The following ARSJ variants were observed in gnomAD, a reference collection of about 807,000 sequenced individuals.
ARSJ encodes arylsulfatase family member J, also known as arylsulfatase J.
ARSJ carries 26 observed loss-of-function variants against 35.9 expected under a neutral mutation model. The observed-to-expected ratio is 0.72, with a 90% confidence interval of 0.53 to 1.00. The LOEUF is 1.00. Among genes scored for constraint, ARSJ ranks in the 50% least tolerant of loss-of-function variants. The pLI, the probability that ARSJ is intolerant of heterozygous loss-of-function variation, is 0.00. For synonymous variants in ARSJ, 294 were observed against 267.6 expected, an observed-to-expected ratio of 1.10 and a Z score of -0.96; for missense variants, 667 against 723.6, an observed-to-expected ratio of 0.92 and a Z score of 0.90.
At chr4:113,921,360 T>C (rs1415002288) in intron 1 of ARSJ, among the ~76,000 whole-genome samples, 1 of 152,138 alleles carries the variant, frequency 6.6e-6, no homozygotes, top group Admixed American at 6.6e-5. Context: ...AGTACAAGAC[T>C]TAGTTAAGAT....
chr4:113,924,635 T>C (rs569076320), intron 1 of ARSJ, among the ~76,000 whole-genome samples: 37 of 152,246 alleles, frequency 2.4e-4, no homozygotes, highest in African/African-American at 7.5e-4. Context: ...AGAAGTGCAC[T>C]AATCCCCACT....
chr4:113,925,706 A>G (rs1724013511), intron 1 of ARSJ, among the ~76,000 whole-genome samples: 1 of 152,150 alleles, frequency 6.6e-6, no homozygotes, highest in Non-Finnish European at 1.5e-5. Flanking sequence ...GAAGCATCCC[A>G]TGAGTCCACA....
intron 1 of ARSJ, among the ~76,000 whole-genome samples, chr4:113,928,210 T>A (rs1027727457): frequency 1.3e-5 from 2 of 152,166 alleles, no homozygotes; most frequent in African/African-American, 2.4e-5. Flanking sequence ...CTCAGAAATG[T>A]CTGATTATTT....
chr4:113,976,409 C>G (rs939712681), intron 1 of ARSJ, among the ~76,000 whole-genome samples: 1 of 152,070 alleles, frequency 6.6e-6, no homozygotes, highest in African/African-American at 2.4e-5. Flanking sequence ...ATTATTAACT[C>G]ATTTATGCCT....
At chr4:113,936,505 T>C (rs887917247) in intron 1 of ARSJ, among the ~76,000 whole-genome samples, 3 of 151,912 alleles carry the variant, frequency 2.0e-5, no homozygotes, top group African/African-American at 7.2e-5. Context: ...GACTAGAGAA[T>C]GTTGCTATGT....
At chr4:113,911,966 G>C (rs1001470695) in intron 1 of ARSJ, among the ~76,000 whole-genome samples, 1 of 152,116 alleles carries the variant, frequency 6.6e-6, no homozygotes, top group Non-Finnish European at 1.5e-5. Flanking sequence ...AAAGAAAAGA[G>C]TGGTGTGCTA....
At position 113,939,859 on chromosome 4, in the gene ARSJ, C is replaced by A. The variant is rs578016017; in HGVS notation, c.399-36184G>T. On this transcript the variant is annotated intron_variant, in intron 1 of 1. Transcript: ENST00000315366. Reference sequence around the variant, plus strand: ...TGAGTAGGTTGCGAAAATTTTCTCCCATTTTGTAGGTTGCCTGTTCACTCT... The same window carrying A: ...TGAGTAGGTTGCGAAAATTTTCTCCAATTTTGTAGGTTGCCTGTTCACTCT... Among the ~76,000 whole-genome samples, 511 of 152,088 alleles carry A rather than the reference C, an allele frequency of 3.4e-3. 4 individuals carry two copies. The highest frequency in any genetic ancestry group is 0.012 in the African/African-American group (494 of 41,490).
intron 1 of ARSJ, among the ~76,000 whole-genome samples, chr4:113,957,226 C>G (rs1044142024): frequency 6.6e-6 from 1 of 152,024 alleles, no homozygotes; most frequent in Non-Finnish European, 1.5e-5. Flanking sequence ...TGTCCGATGT[C>G]TTAGGATGGT....
chr4:113,939,155 T>C (rs1200688124), intron 1 of ARSJ, among the ~76,000 whole-genome samples: 1 of 148,428 alleles, frequency 6.7e-6, no homozygotes, highest in Non-Finnish European at 1.5e-5. Context: ...AGTGAGAATA[T>C]GCGGTGTTTG....
intron 1 of ARSJ, among the ~76,000 whole-genome samples, chr4:113,929,189 A>G (rs1022621802): frequency 6.6e-6 from 1 of 152,076 alleles, no homozygotes; most frequent in Admixed American, 6.6e-5. Flanking sequence ...AAAGAACTCA[A>G]AAAGTTCTTT....
chr4:113,964,245 T>A (rs1295855952), intron 1 of ARSJ, among the ~76,000 whole-genome samples: 1 of 152,020 alleles, frequency 6.6e-6, no homozygotes, highest in Non-Finnish European at 1.5e-5. Flanking sequence ...CCAGATAAAA[T>A]TCATAGCTTC....
At chr4:113,938,862 A>G (rs533508760) in intron 1 of ARSJ, among the ~76,000 whole-genome samples, 2 of 152,106 alleles carry the variant, frequency 1.3e-5, no homozygotes, top group East Asian at 3.9e-4. Flanking sequence ...TCAAAACCCC[A>G]CAATGAGATA....
chr4:113,924,553 T>C (rs4834364), intron 1 of ARSJ, among the ~76,000 whole-genome samples: 110,353 of 151,870 alleles, frequency 0.73, 40,601 homozygotes, highest in East Asian at 0.81. Context: ...TGAGATGATA[T>C]ATAATTTTCA....
At chr4:113,948,919 G>A (rs1055683871) in intron 1 of ARSJ, among the ~76,000 whole-genome samples, 1 of 152,058 alleles carries the variant, frequency 6.6e-6, no homozygotes, top group African/African-American at 2.4e-5. Context: ...ATTCACAATA[G>A]CAAGGACTTG....
At position 113,903,084 on chromosome 4, in the gene ARSJ, G is replaced by T. The variant is rs762368779; in HGVS notation, c.990C>A (p.Gly330=). ...SIIIYSSDNG[G]QPTAGGSNWP... ...AGTTACTCCCTCCTGCCGTAGGCTG[G>T]CCACCATTATCTGAAGAGTAAATGA... Residue 330 remains glycine (G), a synonymous_variant, in exon 2 of 2, where the codon GGC becomes GGA. Coordinates refer to ENST00000315366, the MANE Select transcript of ARSJ (RefSeq NM_024590.4). The T allele has an allele frequency of 1.2e-6, 2 of 1,614,172 alleles. 1 individual carries two copies. The highest frequency in any genetic ancestry group is 2.2e-5 in the South Asian group (2 of 91,086).
At position 113,903,341 on chromosome 4, in the gene ARSJ, T is replaced by G. The variant is rs371908182; in HGVS notation, c.733A>C (p.Arg245=). 12 of 1,614,182 alleles carry G rather than the reference T, an allele frequency of 7.4e-6. No individual in the cohort carries two copies. In the African/African-American group the frequency reaches 1.6e-4, roughly 22 times the overall value. Residue 245 remains arginine, a synonymous_variant, in exon 2 of 2, where the codon AGA becomes CGA. Coordinates refer to ENST00000315366, the MANE Select transcript of ARSJ (RefSeq NM_024590.4). Reference sequence around the variant, plus strand: ...TGGGAAGCTAAGATTTGCTGTACTCTCTGAGTGTACATCTGTGTGGAGTAT... The same window carrying G: ...TGGGAAGCTAAGATTTGCTGTACTCGCTGAGTGTACATCTGTGTGGAGTAT... ...GIYSTQMYTQ[R]VQQILASHNP...
At position 113,978,788 on chromosome 4, in the gene ARSJ, T is replaced by C. The variant is rs370096801; in HGVS notation, c.47A>G (p.Gln16Arg). 3.7e-5 allele frequency: 59 copies of C among 1,613,726 alleles called. No individual in the cohort carries two copies. The highest frequency in any genetic ancestry group is 4.7e-5 in the Non-Finnish European group (56 of 1,179,874). Residue 16 changes from glutamine (Q) to arginine (R), a missense_variant, in exon 1 of 2, where the codon CAG becomes CGG. Physicochemically the swap from Gln to Arg is conservative, Grantham distance 43 (BLOSUM62 1). Transcript: ENST00000315366. ...CAGHPPPPSP[Q>R]ACVCPGKMLA... is the part of the protein sequence containing the mutation. ...CATCTTTCCAGGACAGACACAGGCC[T>C]GTGGAGAAGGCGGAGGCGGATGCCC...
chr4:113,961,911 G>C (rs1337072396), intron 1 of ARSJ, among the ~76,000 whole-genome samples: 874 of 39,490 alleles, frequency 0.022, 6 homozygotes, highest in African/African-American at 0.051. Context: ...GTGTGTGTGT[G>C]TGTGTGTGTG....
intron 1 of ARSJ, among the ~76,000 whole-genome samples, chr4:113,913,789 C>CA (rs1196438676): frequency 2.0e-5 from 3 of 151,844 alleles, no homozygotes; most frequent in East Asian, 1.9e-4. Flanking sequence ...CTATTCCAAG[C>CA]AAAAAATGCA....
Sources: allele counts gnomAD v4.1 joint callset (sites outside exome capture counted in the v4.1 genomes callset), GRCh38; gene constraint gnomAD v4.1.1; transcripts MANE v1.5; gene names NCBI Gene and HGNC (gene_info 2026-07-23, HGNC 2026-07-21).